RGS10: variants seen among roughly 807,000 people sequenced by gnomAD.
RGS10 encodes the protein regulator of G protein signaling 10, also known as regulator of G-protein signalling 10.
Under a neutral mutation model 23.5 loss-of-function variants are expected in RGS10, and 11 were observed. The observed-to-expected ratio is 0.47, with a 90% confidence interval of 0.29 to 0.77. The LOEUF is 0.77. Among genes scored for constraint, RGS10 ranks in the 30% least tolerant of loss-of-function variants. The pLI, the probability that RGS10 is intolerant of heterozygous loss-of-function variation, is 0.08. For missense variants in RGS10, 180 were observed against 226.3 expected (o/e 0.80, Z 1.31); for synonymous variants, 77 against 83.2 (o/e 0.92, Z 0.41).
chr10:119,511,031 T>C (rs1471864345), intron 4 of RGS10, among the ~76,000 whole-genome samples: 1 of 152,148 alleles, frequency 6.6e-6, no homozygotes, highest in Non-Finnish European at 1.5e-5. Flanking sequence ...ATACATGTTT[T>C]TAAAGAAGAA....
chr10:119,542,588 A>G lies in RGS10; in HGVS notation c.49+2T>C. 7.0e-7 allele frequency: 1 copy of G among 1,422,142 alleles called. No individual in the cohort carries two copies. Among genetic ancestry groups the G allele is most frequent in the South Asian group, 1.4e-5 (1 of 70,974 alleles). The allele number at this position is 1,422,142 out of a possible 1,614,324, so 88.1% of individuals were successfully genotyped here. A position where few individuals can be genotyped will look rare whatever the true frequency, so the allele number is the denominator to read the frequency against. On this transcript the variant is annotated splice_donor_variant, in intron 1 of 4. Transcript: ENST00000369103. LOFTEE classifies it high-confidence loss of function. ...AGCCCGCGGGCCCCCGAAGCCGCTTACCTGACGGCGGCCGCTTCCTGCTCA... is the reference window on the plus strand; with the variant it reads ...AGCCCGCGGGCCCCCGAAGCCGCTTGCCTGACGGCGGCCGCTTCCTGCTCA...
chr10:119,510,885 A>AT (rs1455219015), intron 4 of RGS10, among the ~76,000 whole-genome samples: 2 of 151,484 alleles, frequency 1.3e-5, no homozygotes, highest in Non-Finnish European at 2.9e-5. Context: ...CACTTGGCTA[A>AT]TTTTTTGTAT....
In RGS10 at chr10:119,500,157, C is replaced by T; in HGVS notation, c.502G>A (p.Ala168Thr). ...TEEEEEDLPDAQTAAKRASRI... is the reference protein window; with the variant it reads ...TEEEEEDLPDTQTAAKRASRI... ...GAAGCTCTTTTAGCTGCAGTTTGAGCATCAGGCAAATCTTCTTCCTCTTCC... is the reference window on the plus strand; with the variant it reads ...GAAGCTCTTTTAGCTGCAGTTTGAGTATCAGGCAAATCTTCTTCCTCTTCC... Residue 168 changes from alanine (A) to threonine (T), a missense_variant, in exon 5 of 5, where the codon GCT (alanine) becomes ACT (threonine). Physicochemically the swap from Ala to Thr is moderately conservative, Grantham distance 58 (BLOSUM62 0). Transcript: ENST00000369103. 6.2e-7 allele frequency: 1 copy of T among 1,613,972 alleles called. No individual in the cohort carries two copies.
chr10:119,534,908 A>C (rs1417252956), intron 1 of RGS10, among the ~76,000 whole-genome samples: 10 of 152,152 alleles, frequency 6.6e-5, no homozygotes, highest in African/African-American at 2.4e-4. Context: ...AAAAGAAAAA[A>C]GAAAAACTTG....
At chr10:119,503,740 G>C (rs759878941) in intron 4 of RGS10, among the ~76,000 whole-genome samples, 1 of 152,154 alleles carries the variant, frequency 6.6e-6, no homozygotes, top group Non-Finnish European at 1.5e-5. Flanking sequence ...CGCTGTCCTC[G>C]GCTCGTAGAC....
chr10:119,537,158 C>T (rs888879460), intron 1 of RGS10, among the ~76,000 whole-genome samples: 1 of 151,766 alleles, frequency 6.6e-6, no homozygotes, highest in East Asian at 1.9e-4. Context: ...TTTGGGAGGC[C>T]GAGGCGGGCA....
At chr10:119,504,005 G>A (rs1366304606) in intron 4 of RGS10, among the ~76,000 whole-genome samples, 1 of 152,238 alleles carries the variant, frequency 6.6e-6, no homozygotes, top group Non-Finnish European at 1.5e-5. Context: ...GGCCAGCCCT[G>A]GCAGGCTCTG....
At chr10:119,518,792 C>T (rs1437573987) in intron 3 of RGS10, among the ~76,000 whole-genome samples, 2 of 151,902 alleles carry the variant, frequency 1.3e-5, no homozygotes, top group Non-Finnish European at 2.9e-5. Flanking sequence ...GCAAGCTCTG[C>T]CTCCCGGGTT....
chr10:119,505,091 G>C (rs1015342575), intron 4 of RGS10, among the ~76,000 whole-genome samples: 1 of 152,056 alleles, frequency 6.6e-6, no homozygotes, highest in East Asian at 1.9e-4. Flanking sequence ...GGATCCCTGA[G>C]GGGGAGACAT....
intron 4 of RGS10, among the ~76,000 whole-genome samples, chr10:119,500,893 T>C (rs1843945522): frequency 6.6e-6 from 1 of 151,986 alleles, no homozygotes; most frequent in East Asian, 1.9e-4. Context: ...GGGGAGCACA[T>C]CCCTAGAATG....
chr10:119,510,518 C>T (rs2133947710), intron 4 of RGS10, among the ~76,000 whole-genome samples: 1 of 152,270 alleles, frequency 6.6e-6, no homozygotes, highest in African/African-American at 2.4e-5. Flanking sequence ...TGTTGCATTT[C>T]CTTCTTAGCA....
intron 4 of RGS10, among the ~76,000 whole-genome samples, chr10:119,514,413 T>C (rs1297528844): frequency 2.0e-5 from 3 of 151,788 alleles, no homozygotes; most frequent in African/African-American, 7.3e-5. Flanking sequence ...ATCACAGTAC[T>C]TTGGGAGGCC....
At chr10:119,511,467 A>C (rs1247265833) in intron 4 of RGS10, among the ~76,000 whole-genome samples, 1 of 152,050 alleles carries the variant, frequency 6.6e-6, no homozygotes, top group African/African-American at 2.4e-5. Context: ...AAAAATACAA[A>C]AATTAGCCTA....
intron 1 of RGS10, among the ~76,000 whole-genome samples, chr10:119,534,256 A>T (rs1409479661): frequency 1.6e-5 from 2 of 122,978 alleles, no homozygotes; most frequent in Non-Finnish European, 1.7e-5. Flanking sequence ...AACCTGTCTT[A>T]AAATAAATAA....
At chr10:119,531,903 A>G (rs1400638962) in intron 1 of RGS10, among the ~76,000 whole-genome samples, 1 of 152,154 alleles carries the variant, frequency 6.6e-6, no homozygotes, top group East Asian at 1.9e-4. Context: ...AATTGACACT[A>G]TTACAGAAGA....
chr10:119,523,730 G>A lies in RGS10; in HGVS notation c.255+2302C>T, dbSNP rs913130246. On this transcript the variant is annotated intron_variant, in intron 3 of 4. Coordinates refer to ENST00000369103, the MANE Select transcript of RGS10 (RefSeq NM_001005339.2). Reference sequence around the variant, plus strand: ...AGGCATGGAAAGGGGCTGCCCATTCGGAAGCTCTCTCTGTAGGATGTGGAC... The same window carrying A: ...AGGCATGGAAAGGGGCTGCCCATTCAGAAGCTCTCTCTGTAGGATGTGGAC... Among the ~76,000 whole-genome samples, 10 of 152,158 alleles carry A rather than the reference G, an allele frequency of 6.6e-5. No homozygotes were observed. In the East Asian group the frequency reaches 7.7e-4, roughly 12 times the overall value.
At chr10:119,522,141 G>A (rs1370531597) in intron 3 of RGS10, among the ~76,000 whole-genome samples, 1 of 152,188 alleles carries the variant, frequency 6.6e-6, no homozygotes, top group Non-Finnish European at 1.5e-5. Context: ...GAGACAGTGG[G>A]GAAGAAGAGG....
intron 4 of RGS10, among the ~76,000 whole-genome samples, chr10:119,515,093 T>C (rs1844126419): frequency 6.6e-6 from 1 of 152,192 alleles, no homozygotes. Flanking sequence ...ACCAGAAGTA[T>C]GTGGAGGTGT....
chr10:119,520,436 A>G lies in RGS10; in HGVS notation c.256-4784T>C, dbSNP rs557234619. 6.6e-5 allele frequency among the ~76,000 whole-genome samples: 10 copies of G among 152,242 alleles called. No homozygotes were observed. In the East Asian group the frequency reaches 1.9e-3, roughly 29 times the overall value. On this transcript the variant is annotated intron_variant, in intron 3 of 4. Transcript: ENST00000369103. ...ATGAGGGCGGCAGAAAGAAGCCATC[A>G]GACCCCCAGGTCCTCCACCCCAGGT...
Sources: gnomAD v4.1 joint callset for allele counts (sites outside exome capture counted in the v4.1 genomes callset) on GRCh38, gnomAD v4.1.1 for gene constraint, MANE v1.5 for transcripts, NCBI Gene and HGNC (gene_info 2026-07-23, HGNC 2026-07-21) for gene names.